Variants in QPCT observed in about 807,000 individuals in gnomAD.
The protein encoded by QPCT is glutaminyl-peptide cyclotransferase.
A neutral mutation model predicts 43.4 loss-of-function variants in QPCT; 44 were observed. The observed-to-expected ratio is 1.01, with a 90% confidence interval of 0.80 to 1.30. The LOEUF (loss-of-function observed/expected upper bound fraction) is 1.30. QPCT is among the 50% of genes most tolerant of loss of function. The pLI, the probability that QPCT is intolerant of heterozygous loss-of-function variation, is 0.00. For missense variants in QPCT, 526 were observed against 436.5 expected, an observed-to-expected ratio of 1.21 and a Z score of -1.83; for synonymous variants, 168 against 168.4, an observed-to-expected ratio of 1.00 and a Z score of 0.02.
rs1672956767 is a variant in QPCT, at chr2:37,366,267, T to A, written c.547-965T>A. Reference sequence around the variant, plus strand: ...GAGGAAAGTGTAAAATCAGTTAGAATCCTAGTCACTCTTTTTAGTTCCATT... The same window carrying A: ...GAGGAAAGTGTAAAATCAGTTAGAAACCTAGTCACTCTTTTTAGTTCCATT... On this transcript the variant is annotated intron_variant, in intron 3 of 6. Coordinates refer to ENST00000338415, the MANE Select transcript of QPCT (RefSeq NM_012413.4). Among the ~76,000 whole-genome samples the A allele has an allele frequency of 2.0e-5, 3 of 152,160 alleles. No homozygotes were observed. The South Asian group carries it at 6.2e-4, about 31-fold the overall frequency.
chr2:37,367,986 A>G (rs960065329), intron 4 of QPCT, among the ~76,000 whole-genome samples: 3 of 152,202 alleles, frequency 2.0e-5, no homozygotes, highest in Non-Finnish European at 2.9e-5. Flanking sequence ...GTTGGGCCCA[A>G]TGGGAGCACA....
At chr2:37,372,553 G>T in intron 6 of QPCT, 81 bp downstream of exon 6, 1 of 1,462,986 alleles carries the variant, frequency 6.8e-7, no homozygotes, top group Non-Finnish European at 9.6e-7. Flanking sequence ...ATATGAGAAA[G>T]TACACAGATG....
chr2:37,347,183 TATATATATAA>T (rs1558599438), intron 1 of QPCT, among the ~76,000 whole-genome samples: 633 of 55,848 alleles, frequency 0.011, 5 homozygotes, highest in Middle Eastern at 0.017. Context: ...ATATATAACA[TATATATATAA>T]CATATATATA....
In QPCT at chr2:37,352,815, T is replaced by C. The variant is rs538179292; in HGVS notation, c.147T>C (p.Asn49=). The change falls in exon 2 of 7, where the codon AAT becomes AAC. Residue 49 remains asparagine, a synonymous_variant. Transcript: ENST00000338415. ...EKNYHQPAIL[N]SSALRQIAEG... is the part of the protein sequence containing the mutation. ...ATTACCACCAGCCAGCCATTTTGAA[T>C]TCATCGGCTCTTCGGCAAATTGCAG... 3 of 1,614,158 alleles carry C rather than the reference T, an allele frequency of 1.9e-6. No individual in the cohort carries two copies. Among genetic ancestry groups the C allele is most frequent in the Non-Finnish European group, 2.5e-6 (3 of 1,179,980 alleles).
rs1437860754 is a variant in QPCT at position 37,347,434 on chromosome 2, C to T, written c.120+2583C>T. Among the ~76,000 whole-genome samples, 6 of 151,004 alleles carry T rather than the reference C, an allele frequency of 4.0e-5. No individual in the cohort carries two copies. The South Asian group carries it at 8.3e-4, about 21-fold the overall frequency. On this transcript the variant is annotated intron_variant, in intron 1 of 6. Coordinates refer to ENST00000338415, the MANE Select transcript of QPCT (RefSeq NM_012413.4). ...GTGCTTTTCTAATGGTAGATGAGTC[C>T]TGGCTGATGTACCCGGAACAGTGCC...
intron 4 of QPCT, chr2:37,368,705 T>C (rs754160567): frequency 8.1e-5 from 38 of 470,948 alleles, no homozygotes; most frequent in Non-Finnish European, 1.5e-4. Context: ...CCAAAAAGCA[T>C]TCAGAACATA....
chr2:37,345,217 G>A (rs946990566), intron 1 of QPCT, among the ~76,000 whole-genome samples: 2 of 152,204 alleles, frequency 1.3e-5, no homozygotes, highest in African/African-American at 4.8e-5. Flanking sequence ...GGAGGGCAAC[G>A]GGGCCGGCGC....
rs374110180 is a variant in QPCT at position 37,344,909 on chromosome 2, C to T, written c.120+58C>T. On this transcript the variant is annotated intron_variant, in intron 1 of 6. Transcript: ENST00000338415. ...GCGGCTCTGGTCCGATGCGAGGACC[C>T]CTGGCCGGGTCAGCCCTACCTAGGC... 6.7e-6 allele frequency: 10 copies of T among 1,489,254 alleles called. No individual in the cohort carries two copies. The South Asian group carries it at 9.2e-5, about 14-fold the overall frequency. 92.3% of individuals were successfully genotyped at this position (1,489,254 alleles called of 1,614,324 possible). A position where few individuals can be genotyped will look rare whatever the true frequency, so the allele number is the denominator to read the frequency against.
chr2:37,371,008 A>C (rs1673062873), intron 5 of QPCT, among the ~76,000 whole-genome samples: 1 of 152,212 alleles, frequency 6.6e-6, no homozygotes, highest in African/African-American at 2.4e-5. Context: ...TGGGAAAAAC[A>C]CTGCCATCAT....
intron 2 of QPCT, among the ~76,000 whole-genome samples, chr2:37,356,898 C>T (rs1672760168): frequency 6.6e-6 from 1 of 151,272 alleles, no homozygotes; most frequent in Non-Finnish European, 1.5e-5. Context: ...CCCAGCTTTT[C>T]GGGAGGCTAA....
At chr2:37,367,806 C>A (rs1287189404) in intron 4 of QPCT, among the ~76,000 whole-genome samples, 3 of 152,114 alleles carry the variant, frequency 2.0e-5, no homozygotes, top group African/African-American at 7.2e-5. Context: ...GAGTTCGAGG[C>A]TGCCGTGAGC....
chr2:37,367,904 G>T (rs959258459), intron 4 of QPCT, among the ~76,000 whole-genome samples: 3 of 152,076 alleles, frequency 2.0e-5, no homozygotes, highest in Admixed American at 2.0e-4. Context: ...CTGGTTAGAA[G>T]CCATGTTTGA....
At chr2:37,349,667 C>T (rs1189300260) in intron 1 of QPCT, among the ~76,000 whole-genome samples, 2 of 152,142 alleles carry the variant, frequency 1.3e-5, no homozygotes, top group Admixed American at 1.3e-4. Flanking sequence ...TGGGTCAACC[C>T]AGCTCTTCAT....
At chr2:37,366,144 G>C (rs545769620) in intron 3 of QPCT, among the ~76,000 whole-genome samples, 13 of 151,760 alleles carry the variant, frequency 8.6e-5, no homozygotes, top group South Asian at 4.2e-4. Context: ...CCATGAAAAG[G>C]TGAAACATTC....
rs574265490 is a variant in QPCT, at chr2:37,359,651, A to T, written c.339A>T (p.Thr113=). 2 of 1,614,112 alleles carry T rather than the reference A, an allele frequency of 1.2e-6. No individual in the cohort carries two copies. The highest frequency in any genetic ancestry group is 2.2e-5 in the South Asian group (2 of 91,082). Residue 113 remains threonine, a synonymous_variant, in exon 3 of 7, where the codon ACA becomes ACT. Transcript: ENST00000338415. ...VLEIDTFLSQ[T]PYGYRSFSNI... ...AAATAGACACCTTCTTGAGTCAGAC[A>T]CCCTATGGGTACCGGTCTTTCTCAA...
At chr2:37,353,918 G>T (rs1337907909) in intron 2 of QPCT, among the ~76,000 whole-genome samples, 1 of 152,196 alleles carries the variant, frequency 6.6e-6, no homozygotes, top group African/African-American at 2.4e-5. Context: ...AGGCTGGAGT[G>T]CAGTGGCGCG....
chr2:37,362,911 C>A lies in QPCT; in HGVS notation c.546+3053C>A, dbSNP rs765220624. On this transcript the variant is annotated intron_variant, in intron 3 of 6. Coordinates refer to ENST00000338415, the MANE Select transcript of QPCT (RefSeq NM_012413.4). The stretch of plus-strand genomic sequence containing the variant: ...CACACCAGGCAGGTAAGTGAGTGCC[C>A]CCTTGTGCCTTTGCCACAGATGAGA... 4.6e-5 allele frequency among the ~76,000 whole-genome samples: 7 copies of A among 151,878 alleles called. No individual in the cohort carries two copies. The East Asian group carries it at 1.2e-3, about 25-fold the overall frequency.
chr2:37,363,030 G>C (rs1572735135), intron 3 of QPCT, among the ~76,000 whole-genome samples: 1 of 152,190 alleles, frequency 6.6e-6, no homozygotes, highest in Admixed American at 6.5e-5. Flanking sequence ...CATGGAAATC[G>C]GGGAGATTAG....
At chr2:37,345,790 C>A (rs1430632056) in intron 1 of QPCT, among the ~76,000 whole-genome samples, 1 of 148,190 alleles carries the variant, frequency 6.7e-6, no homozygotes, top group African/African-American at 2.5e-5. Flanking sequence ...AAGCCGAGAT[C>A]GCGCCACTGC....
Sources: gnomAD v4.1 joint callset for allele counts (sites outside exome capture counted in the v4.1 genomes callset) on GRCh38, gnomAD v4.1.1 for gene constraint, MANE v1.5 for transcripts, NCBI Gene and HGNC (gene_info 2026-07-23, HGNC 2026-07-21) for gene names.